ADAMTS17: variants seen among roughly 807,000 people sequenced by gnomAD.
The protein encoded by ADAMTS17 is ADAM metallopeptidase with thrombospondin type 1 motif 17.
A neutral mutation model predicts 141.5 loss-of-function variants in ADAMTS17; 113 were observed. The ratio of observed to expected loss-of-function variants is 0.80; its 90% confidence interval spans 0.69 to 0.93. The LOEUF (loss-of-function observed/expected upper bound fraction) is 0.93, where lower values mean the gene tolerates loss of function less well. Ranked by LOEUF, ADAMTS17 falls within the 40% of genes least tolerant of loss-of-function variation. ADAMTS17 has a pLI of 0.00. For missense variants in ADAMTS17, 1,659 were observed against 1,517.9 expected, an observed-to-expected ratio of 1.09 and a Z score of -1.54; for synonymous variants, 768 against 630.6, an observed-to-expected ratio of 1.22 and a Z score of -3.27.
chr15:100,244,285 T>C (rs2042919167), intron 7 of ADAMTS17, among the ~76,000 whole-genome samples: 1 of 151,248 alleles, frequency 6.6e-6, no homozygotes, highest in African/African-American at 2.4e-5. Flanking sequence ...AGATGAGATT[T>C]GGGTGGGGAC....
At chr15:100,216,381 G>A (rs1255843216) in intron 7 of ADAMTS17, among the ~76,000 whole-genome samples, 1 of 152,334 alleles carries the variant, frequency 6.6e-6, no homozygotes, top group East Asian at 1.9e-4. Context: ...CGTAGAGGCT[G>A]TGAACCTCTA....
At chr15:100,199,511 A>G (rs983670859) in intron 7 of ADAMTS17, 88 bp from the exon 8 acceptor site, 5 of 1,089,552 alleles carry the variant, frequency 4.6e-6, no homozygotes, top group Non-Finnish European at 7.1e-6. Context: ...CGTCATGCAC[A>G]ATCAAGGCAG....
chr15:100,160,098 T>C (rs1030435310), intron 8 of ADAMTS17, among the ~76,000 whole-genome samples: 2 of 152,100 alleles, frequency 1.3e-5, no homozygotes, highest in Non-Finnish European at 2.9e-5. Flanking sequence ...TGTCAAACGT[T>C]ACAAAATTTG....
chr15:100,049,234 AAC>A (rs2031952218), intron 17 of ADAMTS17, among the ~76,000 whole-genome samples: 1 of 152,234 alleles, frequency 6.6e-6, no homozygotes, highest in South Asian at 2.1e-4. Context: ...AGAAAGCAGC[AAC>A]ACCTCAGATC....
chr15:100,117,369 G>A (rs2037204964), intron 12 of ADAMTS17, among the ~76,000 whole-genome samples: 1 of 151,954 alleles, frequency 6.6e-6, no homozygotes, highest in South Asian at 2.1e-4. Context: ...GGGTGTGTGT[G>A]TGTTCTGCAG....
At chr15:99,983,225 G>A (rs939406255) in intron 20 of ADAMTS17, among the ~76,000 whole-genome samples, 1 of 152,100 alleles carries the variant, frequency 6.6e-6, no homozygotes, top group African/African-American at 2.4e-5. Context: ...GCTTACGTAC[G>A]AGCTTGTTAA....
intron 15 of ADAMTS17, among the ~76,000 whole-genome samples, chr15:100,085,093 G>GA (rs1180542550): frequency 2.0e-5 from 3 of 151,930 alleles, no homozygotes; most frequent in African/African-American, 7.3e-5. Flanking sequence ...TAAAAACCTT[G>GA]AAAAAATATT....
At chr15:99,982,008 C>G (rs1283327947) in intron 20 of ADAMTS17, among the ~76,000 whole-genome samples, 5 of 152,222 alleles carry the variant, frequency 3.3e-5, no homozygotes, top group African/African-American at 1.2e-4. Context: ...TGGCATGCTA[C>G]GTCCCCACTT....
intron 3 of ADAMTS17, among the ~76,000 whole-genome samples, chr15:100,298,676 A>C (rs2044912535): frequency 6.6e-6 from 1 of 152,134 alleles, no homozygotes; most frequent in South Asian, 2.1e-4. Context: ...TGCACAAAGA[A>C]AGAGAGAAAA....
At chr15:100,202,037 G>A (rs112860529) in intron 7 of ADAMTS17, among the ~76,000 whole-genome samples, 27 of 152,178 alleles carry the variant, frequency 1.8e-4, no homozygotes, top group African/African-American at 6.5e-4. Context: ...TGCACGCCCT[G>A]GAGAAGTTGC....
intron 2 of ADAMTS17, among the ~76,000 whole-genome samples, chr15:100,340,097 C>G (rs1009897999): frequency 6.6e-6 from 1 of 152,254 alleles, no homozygotes; most frequent in African/African-American, 2.4e-5. Flanking sequence ...ACAGAGAACC[C>G]CTGCGGTTCA....
intron 6 of ADAMTS17, among the ~76,000 whole-genome samples, chr15:100,258,917 G>A (rs189283289): frequency 3.3e-5 from 5 of 152,210 alleles, no homozygotes; most frequent in South Asian, 2.1e-4. Flanking sequence ...CAGACGTCCT[G>A]TCAACAGTCA....
chr15:100,180,663 T>G (rs1425020705), intron 8 of ADAMTS17, among the ~76,000 whole-genome samples: 13 of 152,246 alleles, frequency 8.5e-5, no homozygotes, highest in Admixed American at 7.8e-4. Context: ...CTGAATATCT[T>G]TCCATTTTTT....
At chr15:100,283,957 T>C (rs1399856832) in intron 3 of ADAMTS17, among the ~76,000 whole-genome samples, 1 of 152,080 alleles carries the variant, frequency 6.6e-6, no homozygotes. Context: ...ATTACAAAAA[T>C]TAGCCAGGCA....
At position 100,330,895 on chromosome 15, in the gene ADAMTS17, G is replaced by C. The variant is rs1171224627; in HGVS notation, c.610C>G (p.Leu204Val). 6.2e-7 allele frequency: 1 copy of C among 1,614,186 alleles called. No individual in the cohort carries two copies. The highest frequency in any genetic ancestry group is 2.2e-5 in the East Asian group (1 of 44,876). ...AQRPEQLCKV[L>V]TEKKKPTWGR... ...TGCTGCTGCCCCGACTCACCTGTTA[G>C]AACCTTGCAGAGCTGCTCAGGTCTC... Residue 204 changes from leucine (L) to valine (V), a missense_variant, in exon 3 of 22, where the codon CTA becomes GTA. Physicochemically the swap from Leu to Val is conservative, Grantham distance 32 (BLOSUM62 1). Transcript: ENST00000268070.
chr15:100,285,009 C>G (rs777149345), intron 3 of ADAMTS17, among the ~76,000 whole-genome samples: 1 of 152,164 alleles, frequency 6.6e-6, no homozygotes, highest in Non-Finnish European at 1.5e-5. Context: ...TCAGGTCAGG[C>G]CTCAAGCCTT....
chr15:100,164,884 T>C (rs942198814), intron 8 of ADAMTS17, among the ~76,000 whole-genome samples: 4 of 152,188 alleles, frequency 2.6e-5, no homozygotes, highest in Non-Finnish European at 5.9e-5. Context: ...GGACTGCAGA[T>C]GCCCTCAGGA....
intron 14 of ADAMTS17, among the ~76,000 whole-genome samples, chr15:100,108,463 C>A (rs895912653): frequency 6.6e-6 from 1 of 152,172 alleles, no homozygotes; most frequent in South Asian, 2.1e-4. Context: ...CATGAGCCAC[C>A]GCACCCGGCC....
At chr15:100,074,916 T>C (rs1177852791) in intron 15 of ADAMTS17, among the ~76,000 whole-genome samples, 3 of 152,206 alleles carry the variant, frequency 2.0e-5, no homozygotes, top group Non-Finnish European at 4.4e-5. Flanking sequence ...TTCTCTATTA[T>C]TTTACATATT....
Sources: gnomAD v4.1 joint callset for allele counts (sites outside exome capture counted in the v4.1 genomes callset) on GRCh38, gnomAD v4.1.1 for gene constraint, MANE v1.5 for transcripts, NCBI Gene and HGNC (gene_info 2026-07-23, HGNC 2026-07-21) for gene names.